The following RBM19 variants were observed in gnomAD, a reference collection of about 807,000 sequenced individuals.
RBM19 encodes the protein probable RNA-binding protein 19.
Under a neutral mutation model 116.8 loss-of-function variants are expected in RBM19, and 94 were observed. The ratio of observed to expected loss-of-function variants is 0.80; its 90% CI spans 0.68 to 0.95. The LOEUF is 0.95. Ranked by LOEUF, RBM19 falls within the 40% of genes least tolerant of loss-of-function variation. RBM19 has a pLI of 0.00. For missense variants in RBM19, 1,161 were observed against 1,220.7 expected, an observed-to-expected ratio of 0.95 and a Z score of 0.73; for synonymous variants, 475 against 494.1, an observed-to-expected ratio of 0.96 and a Z score of 0.51.
rs1881474089 is a variant in RBM19, at chr12:113,898,299, G to A, written c.2558+16670C>T. Among the ~76,000 whole-genome samples the A allele has an allele frequency of 6.6e-6, 1 of 152,102 alleles. No homozygotes were observed. The highest frequency in any genetic ancestry group is 1.5e-5 in the Non-Finnish European group (1 of 68,002). On this transcript the variant is annotated intron_variant, in intron 21 of 23. Transcript: ENST00000261741. This position sits in a 1 kb window ranked among gnomAD's most constrained non-coding sequence, Gnocchi z 4.3. ...TAATTTTTAATACGTGTACATACAT[G>A]TGTATCATGATAGAACCGTGAAGAG...
chr12:113,904,433 A>G (rs1258385102), intron 21 of RBM19, among the ~76,000 whole-genome samples: 1 of 152,204 alleles, frequency 6.6e-6, no homozygotes, highest in Non-Finnish European at 1.5e-5. Context: ...ATAGCTGGGA[A>G]GCCATCTGAC....
intron 21 of RBM19, among the ~76,000 whole-genome samples, chr12:113,874,283 AGTT>A (rs1200049988): frequency 1.3e-5 from 2 of 152,204 alleles, no homozygotes; most frequent in Non-Finnish European, 2.9e-5. Flanking sequence ...TGATGAATGG[AGTT>A]ATTAATGGAT....
intron 21 of RBM19, among the ~76,000 whole-genome samples, chr12:113,881,955 C>G (rs1311403557): frequency 2.0e-5 from 3 of 152,390 alleles, no homozygotes; most frequent in Admixed American, 2.0e-4. Context: ...CACACGCACC[C>G]TGACCGTCAC....
At chr12:113,846,788 C>T (rs1380460675) in intron 22 of RBM19, among the ~76,000 whole-genome samples, 1 of 152,192 alleles carries the variant, frequency 6.6e-6, no homozygotes, top group Non-Finnish European at 1.5e-5. Flanking sequence ...TCATGGCTCA[C>T]TGCATCCTCG....
intron 7 of RBM19, among the ~76,000 whole-genome samples, chr12:113,953,910 A>G (rs764357237): frequency 6.6e-6 from 1 of 152,272 alleles, no homozygotes; most frequent in Non-Finnish European, 1.5e-5. Flanking sequence ...AATGGCTTAC[A>G]AAGCCTGACA....
At chr12:113,845,301 C>T (rs768863629) in intron 22 of RBM19, among the ~76,000 whole-genome samples, 54 of 152,158 alleles carry the variant, frequency 3.5e-4, no homozygotes, top group Non-Finnish European at 8.8e-5. Context: ...CGCTTCCTCG[C>T]TGGTTCCCCC....
At chr12:113,867,713 G>C (rs1878927588) in intron 21 of RBM19, among the ~76,000 whole-genome samples, 1 of 152,160 alleles carries the variant, frequency 6.6e-6, no homozygotes, top group Non-Finnish European at 1.5e-5. Flanking sequence ...TTGGGGTTAG[G>C]AGTACTAGAC....
At chr12:113,955,291 C>CGAAA in intron 6 of RBM19, 80 bp from the exon 7 acceptor site, 5 of 1,386,106 alleles carry the variant, frequency 3.6e-6, no homozygotes, top group Non-Finnish European at 5.1e-6. Flanking sequence ...TGGGACATTT[C>CGAAA]AGTGCCAGAG....
At chr12:113,823,693 G>A (rs964052774) in intron 23 of RBM19, among the ~76,000 whole-genome samples, 1 of 152,056 alleles carries the variant, frequency 6.6e-6, no homozygotes, top group Non-Finnish European at 1.5e-5. Flanking sequence ...TCTTCTACCC[G>A]CAGGGGAAAG....
chr12:113,847,796 G>C (rs1022176546), intron 22 of RBM19, among the ~76,000 whole-genome samples: 1 of 152,134 alleles, frequency 6.6e-6, no homozygotes, highest in East Asian at 1.9e-4. Context: ...CTCTATTCCC[G>C]TACCACAGAA....
intron 21 of RBM19, among the ~76,000 whole-genome samples, chr12:113,906,400 A>G (rs1038683012): frequency 6.6e-6 from 1 of 152,192 alleles, no homozygotes; most frequent in Non-Finnish European, 1.5e-5. Flanking sequence ...GAAAGTACAA[A>G]AACAGGCAAC....
chr12:113,912,335 G>C (rs370124227), intron 21 of RBM19, among the ~76,000 whole-genome samples: 1 of 152,180 alleles, frequency 6.6e-6, no homozygotes, highest in Non-Finnish European at 1.5e-5. Context: ...TCCTGAAATG[G>C]CTACATGCCT....
chr12:113,927,226 G>T lies in RBM19; in HGVS notation c.2072C>A (p.Pro691His). The T allele has an allele frequency of 6.4e-7, 1 of 1,555,474 alleles. No individual in the cohort carries two copies. Reference sequence around the variant, plus strand: ...TTCATCTTCTGGGGTTTCGCCATCAGGCACTGAACCCCCATCAAAACAAAA... The same window carrying T: ...TTCATCTTCTGGGGTTTCGCCATCATGCACTGAACCCCCATCAAAACAAAA... ...EKDPAEPETV[P>H]DGETPEDENP... The change falls in exon 17 of 24, where the codon CCT (proline) becomes CAT (histidine). Residue 691 changes from proline (P) to histidine (H), a missense_variant. Coordinates refer to ENST00000261741, the MANE Select transcript of RBM19 (RefSeq NM_016196.4).
chr12:113,846,394 C>A (rs1876977504), intron 22 of RBM19, among the ~76,000 whole-genome samples: 1 of 152,186 alleles, frequency 6.6e-6, no homozygotes. Context: ...GAGTCCTAAC[C>A]CCCTGTGCTT....
intron 21 of RBM19, among the ~76,000 whole-genome samples, chr12:113,886,672 G>GT (rs1449285630): frequency 6.7e-6 from 1 of 150,320 alleles, no homozygotes; most frequent in Non-Finnish European, 1.5e-5. Context: ...GTTTTGTTTT[G>GT]TTTTTGCTTT....
chr12:113,959,221 C>T lies in RBM19; in HGVS notation c.562G>A (p.Asp188Asn). ...GTCCCCATGCCCTCACCTTCCAGGT[C>T]CTCCCCGGCTCCCTCCTCCTCACTC... ...QESEEEGAGE[D>N]LEEEASLEPK... The change falls in exon 5 of 24, where the codon GAC becomes AAC. Residue 188 changes from aspartate to asparagine, a missense_variant. Coordinates refer to ENST00000261741, the MANE Select transcript of RBM19 (RefSeq NM_016196.4). 6.2e-7 allele frequency: 1 copy of T among 1,610,372 alleles called. No individual in the cohort carries two copies. Among genetic ancestry groups the T allele is most frequent in the South Asian group, 1.1e-5 (1 of 90,880 alleles).
At chr12:113,951,036 A>T (rs1343703762) in intron 8 of RBM19, among the ~76,000 whole-genome samples, 1 of 152,060 alleles carries the variant, frequency 6.6e-6, no homozygotes, top group Admixed American at 6.5e-5. Flanking sequence ...CTAAGCTCCC[A>T]GGGGCCCCTG....
chr12:113,829,090 C>T (rs573010544), intron 23 of RBM19, among the ~76,000 whole-genome samples: 5 of 152,088 alleles, frequency 3.3e-5, no homozygotes, highest in East Asian at 3.9e-4. Context: ...CTCTGCTTTC[C>T]GGGTTTGAGT....
chr12:113,840,697 T>C (rs1184297882), intron 23 of RBM19, among the ~76,000 whole-genome samples: 1 of 152,194 alleles, frequency 6.6e-6, no homozygotes, highest in Non-Finnish European at 1.5e-5. Flanking sequence ...CCCTTCTTCC[T>C]GCTTTGCTGC....
Sources: allele counts gnomAD v4.1 joint callset (sites outside exome capture counted in the v4.1 genomes callset), GRCh38; gene constraint gnomAD v4.1.1; non-coding constraint Gnocchi (gnomAD v3.1); transcripts MANE v1.5; gene names NCBI Gene and HGNC (gene_info 2026-07-23, HGNC 2026-07-21).